NOP2: variants seen among roughly 807,000 people sequenced by gnomAD.
NOP2 encodes the protein 28S rRNA (cytosine(4447)-C(5))-methyltransferase.
Under a neutral mutation model 72.7 loss-of-function variants are expected in NOP2, and 7 were observed. The ratio of observed to expected loss-of-function variants is 0.10; its 90% CI spans 0.05 to 0.18. The LOEUF (loss-of-function observed/expected upper bound fraction) is 0.18. NOP2 is among the 10% of genes least tolerant of loss of function. NOP2 has a pLI of 1.00. For missense variants in NOP2, 954 were observed against 1,014.7 expected (o/e 0.94, Z 0.81); for synonymous variants, 387 against 388.0 (o/e 1.00, Z 0.03).
chr12:6,558,468 G>A (rs1179085597), intron 15 of NOP2, among the ~76,000 whole-genome samples: 1 of 151,882 alleles, frequency 6.6e-6, no homozygotes, highest in African/African-American at 2.4e-5. Flanking sequence ...GTTTCACCAT[G>A]TTGACCAGCT....
chr12:6,562,299 G>T (rs1324601121), intron 9 of NOP2, among the ~76,000 whole-genome samples: 2 of 152,164 alleles, frequency 1.3e-5, no homozygotes, highest in Non-Finnish European at 2.9e-5. Context: ...TAGGGATGAA[G>T]ATTTTAATAA....
chr12:6,563,810 A>C (rs1173997968), intron 6 of NOP2, 39 bp from the exon 7 acceptor site: 19 of 1,612,906 alleles, frequency 1.2e-5, no homozygotes, highest in Non-Finnish European at 1.6e-5. Context: ...TCACAGACCA[A>C]AACAGATACC....
intron 9 of NOP2, among the ~76,000 whole-genome samples, chr12:6,562,466 C>A (rs1460417506): frequency 6.6e-6 from 1 of 152,162 alleles, no homozygotes; most frequent in East Asian, 1.9e-4. Context: ...TCCTATGGTG[C>A]CCTTTTTTCT....
chr12:6,557,272 G>C lies in NOP2; in HGVS notation c.2160C>G (p.Pro720=), dbSNP rs781426709. The C allele has an allele frequency of 3.7e-6, 6 of 1,614,038 alleles. No homozygotes were observed. Among genetic ancestry groups the C allele is most frequent in the South Asian group, 1.1e-5 (1 of 91,088 alleles). ...KVAFLRQNAP[P]KGTDTQTPAV... ...CCGGTGTTTGTGTGTCTGTGCCCTT[G>C]GGAGGGGCATTCTGCCTGAGGAAAG... The change falls in exon 16 of 16, where the codon CCC becomes CCG. Residue 720 remains proline, a synonymous_variant. Coordinates refer to ENST00000322166, the MANE Select transcript of NOP2 (RefSeq NM_001258308.2).
rs1207285834 is a variant in NOP2 at position 6,562,942 on chromosome 12, C to T, written c.978+139G>A. 3 of 796,772 alleles carry T rather than the reference C, an allele frequency of 3.8e-6. No individual in the cohort carries two copies. In the South Asian group the frequency reaches 4.4e-5, roughly 12 times the overall value. 49.4% of individuals were successfully genotyped at this position (796,772 alleles called of 1,614,324 possible). ...CCAGATCCTATCCTGCCAGAGACATCAGGCCTCTGGGTTTGCCCCCCCAGG... is the reference window on the plus strand; with the variant it reads ...CCAGATCCTATCCTGCCAGAGACATTAGGCCTCTGGGTTTGCCCCCCCAGG... On this transcript the variant is annotated intron_variant, in intron 9 of 15. Transcript: ENST00000322166.
In NOP2 at chr12:6,567,859, C is replaced by T. The variant is rs775029661; in HGVS notation, c.60G>A (p.Lys20=). ...EKRGPGRKAR[K]QKGAETELVR... ...CGAGTTCTGTCTCGGCACCCTTCTGCTTCCGGGCCTTTCGGCCTGGCCCCC... is the reference window on the plus strand; with the variant it reads ...CGAGTTCTGTCTCGGCACCCTTCTGTTTCCGGGCCTTTCGGCCTGGCCCCC... Residue 20 remains lysine (K), a synonymous_variant, in exon 2 of 16, where the codon AAG becomes AAA. Transcript: ENST00000322166. The T allele has an allele frequency of 2.4e-5, 38 of 1,613,978 alleles. No homozygotes were observed. In the East Asian group the frequency reaches 7.8e-4, roughly 33 times the overall value.
In NOP2 at chr12:6,557,010, G is replaced by A; in HGVS notation, c.2422C>T (p.Gln808Ter). The A allele has an allele frequency of 6.2e-7, 1 of 1,614,030 alleles. No homozygotes were observed. The highest frequency in any genetic ancestry group is 1.1e-5 in the South Asian group (1 of 91,088). Residue 808 changes from glutamine to a stop codon, truncating the protein, a stop_gained, in exon 16 of 16, where the codon CAG becomes TAG. Coordinates refer to ENST00000322166, the MANE Select transcript of NOP2 (RefSeq NM_001258308.2). LOFTEE classifies it high-confidence loss of function. ...RKKSQSRGNS[Q>*]LLLS ...TCAACCATCTAAGATAGCAGCAGCT[G>A]GCTGTTGCCCCTGGACTGAGATTTC...
chr12:6,557,485 C>T lies in NOP2; in HGVS notation c.1947G>A (p.Lys649=). ...QQHPKKASFQ[K]LNGISKGADS... ...CTGCCCCTTTGGAGATGCCATTCAG[C>T]TTCTGGAAGGAGGCCTTCTTGGGAT... is the stretch of plus-strand genomic sequence containing the variant. Residue 649 remains lysine, a synonymous_variant, in exon 16 of 16, where the codon AAG becomes AAA. Coordinates refer to ENST00000322166, the MANE Select transcript of NOP2 (RefSeq NM_001258308.2). 3 of 1,613,970 alleles carry T rather than the reference C, an allele frequency of 1.9e-6. No individual in the cohort carries two copies. The highest frequency in any genetic ancestry group is 2.5e-6 in the Non-Finnish European group (3 of 1,179,896).
intron 15 of NOP2, among the ~76,000 whole-genome samples, chr12:6,559,483 A>T (rs1947590199): frequency 6.6e-6 from 1 of 152,108 alleles, no homozygotes. Context: ...TCCTGACCTC[A>T]GGTGAGTGCT....
rs767862958 is a variant in NOP2 at position 6,557,440 on chromosome 12, T to C, written c.1992A>G (p.Val664=). ...SKGADSELST[V]PSVTKTQASS... ...AAGCTTGGGTCTTTGTGACAGAAGGTACAGTGGACAATTCTGAGTCTGCCC... is the reference window on the plus strand; with the variant it reads ...AAGCTTGGGTCTTTGTGACAGAAGGCACAGTGGACAATTCTGAGTCTGCCC... The change falls in exon 16 of 16, where the codon GTA becomes GTG. Residue 664 remains valine, a synonymous_variant. Coordinates refer to ENST00000322166, the MANE Select transcript of NOP2 (RefSeq NM_001258308.2). The C allele has an allele frequency of 2.3e-5, 37 of 1,613,894 alleles. No individual in the cohort carries two copies. The South Asian group carries it at 4.1e-4, about 18-fold the overall frequency.
rs1399005479 is a variant in NOP2, at chr12:6,566,385, C to T, written c.239-49G>A. The T allele has an allele frequency of 3.3e-6, 5 of 1,517,586 alleles. No homozygotes were observed. In the African/African-American group the frequency reaches 4.1e-5, roughly 12 times the overall value. 94.0% of individuals were successfully genotyped at this position (1,517,586 alleles called of 1,614,324 possible). A position where few individuals can be genotyped will look rare whatever the true frequency, so the allele number is the denominator to read the frequency against. ...CTAATGGCAGCCACACATTCCCTGGCCCCACACCCTGGGAGCCTGTACTTT... is the reference window on the plus strand; with the variant it reads ...CTAATGGCAGCCACACATTCCCTGGTCCCACACCCTGGGAGCCTGTACTTT... On this transcript the variant is annotated intron_variant, in intron 4 of 15. Coordinates refer to ENST00000322166, the MANE Select transcript of NOP2 (RefSeq NM_001258308.2).
chr12:6,563,604 G>A lies in NOP2; in HGVS notation c.688+10C>T. 6.2e-7 allele frequency: 1 copy of A among 1,610,006 alleles called. No homozygotes were observed. The highest frequency in any genetic ancestry group is 8.5e-7 in the Non-Finnish European group (1 of 1,177,698). The stretch of plus-strand genomic sequence containing the variant: ...TCCTCCTAACTCTTCACTCTGCCCT[G>A]CAAGGATATCCTGCTCCATCTCCCC... On this transcript the variant is annotated intron_variant, in intron 7 of 15. Transcript: ENST00000322166.
chr12:6,558,140 CA>C (rs1186896591), intron 15 of NOP2: 17,981 of 172,102 alleles, frequency 0.1, 150 homozygotes, highest in African/African-American at 0.23. Context: ...GACACCGTCT[CA>C]AAAAAAAAAA....
In NOP2 at chr12:6,560,876, G is replaced by T. The variant is rs966126817; in HGVS notation, c.1347+55C>A. On this transcript the variant is annotated intron_variant, in intron 12 of 15. Transcript: ENST00000322166. The surrounding 1 kb of genome is among the most constrained non-coding windows in gnomAD (Gnocchi z 5.0). The stretch of plus-strand genomic sequence containing the variant: ...GGTCGAGTCTAAACATTGAGGTCAG[G>T]AAGGGAGAAGGTCAACCGGAAGAAG... 2 of 1,611,696 alleles carry T rather than the reference G, an allele frequency of 1.2e-6. No homozygotes were observed. Among genetic ancestry groups the T allele is most frequent in the African/African-American group, 2.7e-5 (2 of 74,850 alleles).
rs1193314049 is a variant in NOP2, at chr12:6,566,608, C to T, written c.159G>A (p.Lys53=). ...GGGCTTCAACAGAGCCCAATCTCCT[C>T]TTGGCTGCCCTGAAAAGACACAAGA... ...LSSRARKRAA[K]RRLGSVEAPK... is the part of the protein sequence containing the mutation. Residue 53 remains lysine (K), a synonymous_variant, in exon 4 of 16, where the codon AAG becomes AAA. Transcript: ENST00000322166. 1 of 1,610,220 alleles carries T rather than the reference C, an allele frequency of 6.2e-7. No individual in the cohort carries two copies. The highest frequency in any genetic ancestry group is 1.7e-5 in the Admixed American group (1 of 59,928).
Position 6,567,853 on chromosome 12 carries a change from C to G in NOP2, c.66G>C (p.Lys22Asn), listed in dbSNP as rs1222051017. Residue 22 changes from lysine to asparagine, a missense_variant, in exon 2 of 16, where the codon AAG (lysine) becomes AAC (asparagine). By Grantham distance (94) the Lys-to-Asn change is moderately conservative. Transcript: ENST00000322166. ...RGPGRKARKQ[K>N]GAETELVRFL... ...ATCTGACGAGTTCTGTCTCGGCACC[C>G]TTCTGCTTCCGGGCCTTTCGGCCTG... 5 of 1,613,960 alleles carry G rather than the reference C, an allele frequency of 3.1e-6. No homozygotes were observed. Among genetic ancestry groups the G allele is most frequent in the Non-Finnish European group, 4.2e-6 (5 of 1,179,912 alleles).
chr12:6,557,882 C>T (rs911341512), intron 15 of NOP2: 4 of 497,668 alleles, frequency 8.0e-6, no homozygotes, highest in African/African-American at 7.8e-5. Flanking sequence ...GTGGCTCACA[C>T]CTGTAATTCC....
rs962262382 is a variant in NOP2 at position 6,568,166 on chromosome 12, A to C, written c.-5+41T>G. The C allele has an allele frequency of 1.7e-5, 9 of 529,932 alleles. No individual in the cohort carries two copies. The Admixed American group carries it at 2.8e-4, about 16-fold the overall frequency. 32.8% of individuals were successfully genotyped at this position (529,932 alleles called of 1,614,324 possible). A position where few individuals can be genotyped will look rare whatever the true frequency, so the allele number is the denominator to read the frequency against. ...TTCTCCCCACGTCCCAGACCAGGTC[A>C]GTGCTGCCACTCTTCGTCCCCCAAT... is the stretch of plus-strand genomic sequence containing the variant. On this transcript the variant is annotated intron_variant, in intron 1 of 15. Transcript: ENST00000322166.
intron 4 of NOP2, 42 bp from the exon 5 acceptor site, chr12:6,566,378 T>C (rs1408738093): frequency 6.5e-7 from 1 of 1,548,598 alleles, no homozygotes; most frequent in Admixed American, 1.7e-5. Context: ...AGCCACACAT[T>C]CCCTGGCCCC....
Sources: gnomAD v4.1 joint callset for allele counts (sites outside exome capture counted in the v4.1 genomes callset) on GRCh38, gnomAD v4.1.1 for gene constraint, Gnocchi (gnomAD v3.1) non-coding constraint, MANE v1.5 for transcripts, NCBI Gene and HGNC (gene_info 2026-07-23, HGNC 2026-07-21) for gene names.